Variants in ERI1 observed in about 807,000 individuals in gnomAD.
ERI1 encodes the protein 3'-5' exoribonuclease 1.
A neutral mutation model predicts 39.7 loss-of-function variants in ERI1; 39 were observed. The observed-to-expected ratio is 0.98, with a 90% CI of 0.76 to 1.28. The LOEUF is 1.28. ERI1 is among the 50% of genes most tolerant of loss of function. The probability of loss-of-function intolerance (pLI) is 0.00; values close to 1 mark genes in which losing one functional copy is unlikely to be tolerated. For missense variants in ERI1, 581 were observed against 416.9 expected, an observed-to-expected ratio of 1.39 and a Z score of -3.43; for synonymous variants, 204 against 149.6, an observed-to-expected ratio of 1.36 and a Z score of -2.65.
At position 9,095,879 on chromosome 8, in the gene ERI1, C is replaced by A. The variant is rs536330029; in HGVS notation, n.300-20469C>A. On this transcript the variant is annotated intron_variant and non_coding_transcript_variant, in intron 3 of 3. Transcript: ENST00000518663. ...TCATCTGTAGGGGTGGGTCGGGGGG[C>A]AAGGCACTTGGCCTTACTAGCCTCA... Among the ~76,000 whole-genome samples, 18 of 152,246 alleles carry A rather than the reference C, an allele frequency of 1.2e-4. No individual in the cohort carries two copies. The South Asian group carries it at 3.5e-3, about 30-fold the overall frequency.
intron 3 of ERI1, among the ~76,000 whole-genome samples, chr8:9,064,899 G>A (rs556368847): frequency 6.6e-4 from 100 of 152,292 alleles, no homozygotes; most frequent in African/African-American, 1.7e-3. Context: ...GAGAGTCAGC[G>A]AAGGGAGACA....
chr8:9,009,265 C>G, intron 2 of ERI1: 1 of 344,056 alleles, frequency 2.9e-6, no homozygotes, highest in Non-Finnish European at 5.7e-6. Flanking sequence ...GGAAAACATA[C>G]AAAGAAATCA....
intron 6 of ERI1, among the ~76,000 whole-genome samples, chr8:9,023,793 C>CTTTTTTTTTTTT (rs3083379): frequency 2.5e-5 from 2 of 80,534 alleles, no homozygotes; most frequent in Non-Finnish European, 4.3e-5. Context: ...GTAAAAATGA[C>CTTTTTTTTTTTT]TTTTTTTTTT....
intron 3 of ERI1, among the ~76,000 whole-genome samples, chr8:9,066,106 CT>C (rs1406790307): frequency 1.3e-5 from 2 of 152,196 alleles, no homozygotes; most frequent in African/African-American, 4.8e-5. Context: ...CCACCAGGGG[CT>C]CTAGCTTCTT....
intron 3 of ERI1, among the ~76,000 whole-genome samples, chr8:9,045,214 C>T (rs190702231): frequency 1.1e-3 from 136 of 125,806 alleles, no homozygotes; most frequent in Middle Eastern, 0.014. Flanking sequence ...CCAGCCTGGA[C>T]GACAGAGTGA....
chr8:9,007,089 A>G (rs1201834572), intron 1 of ERI1, among the ~76,000 whole-genome samples: 1 of 152,228 alleles, frequency 6.6e-6, no homozygotes, highest in Non-Finnish European at 1.5e-5. Context: ...TAACTTACAA[A>G]TGAATCTTTG....
At chr8:9,010,121 A>C (rs180937024) in intron 2 of ERI1, among the ~76,000 whole-genome samples, 2 of 152,346 alleles carry the variant, frequency 1.3e-5, no homozygotes, top group East Asian at 3.9e-4. Context: ...ATTAGAGAGA[A>C]TCATATTCTG....
chr8:9,094,254 G>T (rs989375174), intron 3 of ERI1, among the ~76,000 whole-genome samples: 1 of 152,132 alleles, frequency 6.6e-6, no homozygotes, highest in Non-Finnish European at 1.5e-5. Context: ...GAGAATCGTC[G>T]TGGACTCTCA....
intron 3 of ERI1, among the ~76,000 whole-genome samples, chr8:9,054,513 C>T (rs963554809): frequency 1.3e-5 from 2 of 152,176 alleles, no homozygotes; most frequent in East Asian, 3.8e-4. Context: ...AAAAGCACAA[C>T]AAATTTATTT....
chr8:9,056,755 T>A (rs1023424444), intron 3 of ERI1, among the ~76,000 whole-genome samples: 3 of 152,224 alleles, frequency 2.0e-5, no homozygotes, highest in African/African-American at 7.2e-5. Context: ...CTTCCCTGAT[T>A]ACTTTTGATG....
At chr8:9,004,294 C>T (rs1440346053) in intron 1 of ERI1, 22 of 1,135,886 alleles carry the variant, frequency 1.9e-5, no homozygotes, top group Non-Finnish European at 2.4e-5. Flanking sequence ...TCAATCTCAT[C>T]CTGTAAGTGG....
intron 3 of ERI1, among the ~76,000 whole-genome samples, chr8:9,075,774 T>A (rs1041303253): frequency 6.6e-6 from 1 of 152,134 alleles, no homozygotes; most frequent in Non-Finnish European, 1.5e-5. Context: ...ACTATTACAG[T>A]GAAAGGGAAA....
chr8:9,072,682 A>G (rs1035326230), intron 3 of ERI1, among the ~76,000 whole-genome samples: 1 of 151,938 alleles, frequency 6.6e-6, no homozygotes, highest in African/African-American at 2.4e-5. Flanking sequence ...TTAAATCTCC[A>G]TCTCACTCCG....
intron 3 of ERI1, among the ~76,000 whole-genome samples, chr8:9,038,965 T>G (rs1264273306): frequency 6.6e-6 from 1 of 152,256 alleles, no homozygotes; most frequent in African/African-American, 2.4e-5. Flanking sequence ...CATTGTGATC[T>G]GTGATGATAA....
chr8:9,005,247 C>T (rs1427030445), intron 1 of ERI1, among the ~76,000 whole-genome samples: 1 of 151,996 alleles, frequency 6.6e-6, no homozygotes, highest in Non-Finnish European at 1.5e-5. Flanking sequence ...AGATTTTTGG[C>T]AGCAGAATAA....
intron 3 of ERI1, among the ~76,000 whole-genome samples, chr8:9,073,341 A>C (rs1423688272): frequency 1.3e-5 from 2 of 152,168 alleles, no homozygotes; most frequent in Admixed American, 1.3e-4. Flanking sequence ...GATATTGTCT[A>C]CTCTTAGTAA....
At chr8:9,049,197 G>A (rs754432333) in intron 3 of ERI1, among the ~76,000 whole-genome samples, 7 of 151,488 alleles carry the variant, frequency 4.6e-5, no homozygotes, top group Admixed American at 6.6e-5. Flanking sequence ...TTTGCCCGGC[G>A]TGGTGGCGGG....
At chr8:9,003,939 C>G in intron 1 of ERI1, 1 of 502,072 alleles carries the variant, frequency 2.0e-6, no homozygotes, top group South Asian at 1.6e-5. Context: ...CATCTGGCAG[C>G]TAGAATGAGC....
At chr8:9,045,391 C>T (rs750765736) in intron 3 of ERI1, among the ~76,000 whole-genome samples, 1 of 152,052 alleles carries the variant, frequency 6.6e-6, no homozygotes, top group East Asian at 1.9e-4. Flanking sequence ...TTGCTCACTC[C>T]AGCTGTATAG....
Sources: gnomAD v4.1 joint callset for allele counts (sites outside exome capture counted in the v4.1 genomes callset) on GRCh38, gnomAD v4.1.1 for gene constraint, MANE v1.5 for transcripts, NCBI Gene and HGNC (gene_info 2026-07-23, HGNC 2026-07-21) for gene names.